The following ECHDC3 variants were observed in gnomAD, a reference collection of about 807,000 sequenced individuals.
The protein encoded by ECHDC3 is enoyl-CoA hydratase domain-containing protein 3, mitochondrial.
ECHDC3 carries 20 observed loss-of-function variants against 17.9 expected under a neutral mutation model. The observed-to-expected ratio is 1.12, with a 90% CI of 0.79 to 1.63. ECHDC3 has a LOEUF of 1.63. Ranked by LOEUF, ECHDC3 falls within the 40% of genes most tolerant of loss-of-function variation. The pLI, the probability that ECHDC3 is intolerant of heterozygous loss-of-function variation, is 0.00. For synonymous variants in ECHDC3, 177 were observed against 149.7 expected (o/e 1.18, Z -1.33); for missense variants, 407 against 357.7 (o/e 1.14, Z -1.11).
Position 11,762,758 on chromosome 10 carries a change from G to A in ECHDC3, c.592-466G>A, listed in dbSNP as rs552111662. ...ATTGTCTGTAAATCCTTGCCTCTCC[G>A]GGAGGCTGGGTCTGCTCTTTCCAGT... is the stretch of plus-strand genomic sequence containing the variant. On this transcript the variant is annotated intron_variant, in intron 4 of 4. Transcript: ENST00000379215. Among the ~76,000 whole-genome samples the A allele has an allele frequency of 3.3e-5, 5 of 152,254 alleles. No individual in the cohort carries two copies. In the South Asian group the frequency reaches 6.2e-4, roughly 19 times the overall value.
At position 11,763,202 on chromosome 10, in the gene ECHDC3, G is replaced by A; in HGVS notation, c.592-22G>A. 4.0e-6 allele frequency: 3 copies of A among 752,396 alleles called. No individual in the cohort carries two copies. The highest frequency in any genetic ancestry group is 4.9e-6 in the Non-Finnish European group (2 of 405,156). The allele number at this position is 752,396 out of a possible 1,614,324, so 46.6% of individuals were successfully genotyped here. A position where few individuals can be genotyped will look rare whatever the true frequency, so the allele number is the denominator to read the frequency against. Reference sequence around the variant, plus strand: ...GCGGGTCACAGGAGAGCACCTCAGTGACATCCCGTGTCTCCCCGTAGGTGG... The same window carrying A: ...GCGGGTCACAGGAGAGCACCTCAGTAACATCCCGTGTCTCCCCGTAGGTGG... On this transcript the variant is annotated intron_variant, in intron 4 of 4. Coordinates refer to ENST00000379215, the MANE Select transcript of ECHDC3 (RefSeq NM_024693.5). The surrounding 1 kb of genome is among the most constrained non-coding windows in gnomAD (Gnocchi z 4.9).
chr10:11,755,841 A>C, intron 4 of ECHDC3: 1 of 488,844 alleles, frequency 2.0e-6, no homozygotes, highest in Admixed American at 3.9e-5. Flanking sequence ...AATTTGTGAA[A>C]TCACTGCATT....
chr10:11,755,730 A>G (rs763534278), intron 4 of ECHDC3, 122 bp downstream of exon 4: 3 of 981,058 alleles, frequency 3.1e-6, no homozygotes, highest in Non-Finnish European at 4.5e-6. Context: ...CGTTCTGCCC[A>G]GAGTGCCTCT....
Position 11,746,281 on chromosome 10 carries a change from T to A in ECHDC3, c.171-1068T>A, listed in dbSNP as rs150683165. Among the ~76,000 whole-genome samples the A allele has an allele frequency of 7.8e-3, 1,126 of 144,690 alleles. 21 individuals carry two copies. The highest frequency in any genetic ancestry group is 0.027 in the African/African-American group (1,022 of 37,296). 94.9% of individuals were successfully genotyped at this position (144,690 alleles called of 152,430 possible). On this transcript the variant is annotated intron_variant, in intron 1 of 4. Coordinates refer to ENST00000379215, the MANE Select transcript of ECHDC3 (RefSeq NM_024693.5). ...AGGCAGAGGTTGCAGTGAGCTGAGA[T>A]CATGCCAATGCACTCCAGCCTGGGC...
chr10:11,755,261 G>A (rs796547075), intron 3 of ECHDC3, 147 bp from the exon 4 acceptor site: 2 of 670,804 alleles, frequency 3.0e-6, no homozygotes, highest in South Asian at 2.2e-5. Context: ...GGGAGGAAGA[G>A]GTTGCAGTGA....
At position 11,763,139 on chromosome 10, in the gene ECHDC3, G is replaced by A. The variant is rs748851358; in HGVS notation, c.592-85G>A. 1 of 642,616 alleles carries A rather than the reference G, an allele frequency of 1.6e-6. No individual in the cohort carries two copies. Among genetic ancestry groups the A allele is most frequent in the South Asian group, 1.8e-5 (1 of 56,292 alleles). 39.8% of individuals were successfully genotyped at this position (642,616 alleles called of 1,614,324 possible). ...GGCGGATGACGTGGTATTTGAGGAA[G>A]CAGGTCATTGAGCCGAGGCGGGACT... On this transcript the variant is annotated intron_variant, in intron 4 of 4. Transcript: ENST00000379215. The surrounding 1 kb of genome is among the most constrained non-coding windows in gnomAD (Gnocchi z 4.9).
chr10:11,754,276 G>A (rs1832861060), intron 3 of ECHDC3, among the ~76,000 whole-genome samples: 1 of 68,788 alleles, frequency 1.5e-5, no homozygotes. Flanking sequence ...AAGGTCATTT[G>A]TCTTTGAATA....
chr10:11,757,114 A>C (rs779030861), intron 4 of ECHDC3, among the ~76,000 whole-genome samples: 4 of 152,206 alleles, frequency 2.6e-5, no homozygotes, highest in Non-Finnish European at 4.4e-5. Flanking sequence ...CTATCTTATA[A>C]TGGTGCAAAT....
At chr10:11,752,200 C>T (rs907036333) in intron 3 of ECHDC3, 5 of 151,636 alleles carry the variant, frequency 3.3e-5, no homozygotes, top group Admixed American at 3.3e-4. Context: ...CAACCTCTGC[C>T]TCCCGGGTTC....
In ECHDC3 at chr10:11,755,520, A is replaced by T. The variant is rs758064038; in HGVS notation, c.503A>T (p.Asp168Val). 6.2e-7 allele frequency: 1 copy of T among 1,614,066 alleles called. No homozygotes were observed. The highest frequency in any genetic ancestry group is 2.2e-5 in the East Asian group (1 of 44,872). ...AGCTGCGACATTGCCGTGGCGAGCG[A>T]CAAGTCCTCTTTTGCCACTCCTGGG... ...VASCDIAVAS[D>V]KSSFATPGVN... Residue 168 changes from aspartate (D) to valine (V), a missense_variant, in exon 4 of 5, where the codon GAC becomes GTC. Transcript: ENST00000379215.
At chr10:11,748,911 G>A (rs1013593526) in intron 2 of ECHDC3, among the ~76,000 whole-genome samples, 4 of 152,202 alleles carry the variant, frequency 2.6e-5, no homozygotes, top group Non-Finnish European at 5.9e-5. Flanking sequence ...CAACAAAAGG[G>A]AAGTATGAGA....
At chr10:11,743,560 C>T (rs1226697805) in intron 1 of ECHDC3, among the ~76,000 whole-genome samples, 1 of 152,244 alleles carries the variant, frequency 6.6e-6, no homozygotes, top group Non-Finnish European at 1.5e-5. Context: ...GGGCTGGGTG[C>T]ACAGATCTGC....
intron 3 of ECHDC3, among the ~76,000 whole-genome samples, chr10:11,754,570 G>A (rs1453368946): frequency 6.6e-6 from 1 of 152,050 alleles, no homozygotes; most frequent in Non-Finnish European, 1.5e-5. Context: ...GGTGGTAATT[G>A]GAGAAGTAAT....
In ECHDC3 at chr10:11,763,975, C is replaced by G; in HGVS notation, c.*431C>G. ...ATTTCAAATCTCCACGAGATATTCT[C>G]CACACAGAAAATCTTCTTGATTCTA... On this transcript the variant is annotated 3_prime_UTR_variant, in exon 5 of 5. Coordinates refer to ENST00000379215, the MANE Select transcript of ECHDC3 (RefSeq NM_024693.5). The surrounding 1 kb of genome is among the most constrained non-coding windows in gnomAD (Gnocchi z 4.9). 1.0e-6 allele frequency: 1 copy of G among 985,626 alleles called. No homozygotes were observed. Among genetic ancestry groups the G allele is most frequent in the Non-Finnish European group, 1.2e-6 (1 of 828,714 alleles). The allele number at this position is 985,626 out of a possible 1,614,324, so 61.1% of individuals were successfully genotyped here.
Position 11,761,702 on chromosome 10 carries a change from C to T in ECHDC3, c.592-1522C>T, listed in dbSNP as rs369293942. On this transcript the variant is annotated intron_variant, in intron 4 of 4. Coordinates refer to ENST00000379215, the MANE Select transcript of ECHDC3 (RefSeq NM_024693.5). ...ACCCGGCCTCTCCGTGTGGCTTGGG[C>T]TTCCTCACAGCATGGAGGCCAGGTC... 1.8e-3 allele frequency among the ~76,000 whole-genome samples: 270 copies of T among 152,346 alleles called. 3 individuals carry two copies. Among genetic ancestry groups the T allele is most frequent in the African/African-American group, 6.4e-3 (268 of 41,574 alleles).
intron 4 of ECHDC3, among the ~76,000 whole-genome samples, chr10:11,759,335 C>CA (rs1832918566): frequency 7.5e-6 from 1 of 133,870 alleles, no homozygotes; most frequent in African/African-American, 2.9e-5. Flanking sequence ...GCCTGGGCAA[C>CA]AACAGCAAAA....
chr10:11,750,527 G>A (rs6602523), intron 3 of ECHDC3, among the ~76,000 whole-genome samples: 142,136 of 152,278 alleles, frequency 0.93, 67,178 homozygotes, highest in East Asian at 1. Context: ...AAAAGTTTTG[G>A]ATGATTTATA....
chr10:11,762,396 A>T lies in ECHDC3; in HGVS notation c.592-828A>T, dbSNP rs554256342. Among the ~76,000 whole-genome samples the T allele has an allele frequency of 3.3e-5, 5 of 152,318 alleles. No individual in the cohort carries two copies. The South Asian group carries it at 1.0e-3, about 32-fold the overall frequency. ...TGGGCGTATTTGAGGAACATCAGGG[A>T]TGCCACCAGGATTGTGAGAGCCTGA... On this transcript the variant is annotated intron_variant, in intron 4 of 4. Coordinates refer to ENST00000379215, the MANE Select transcript of ECHDC3 (RefSeq NM_024693.5).
At chr10:11,749,636 A>T (rs752964581) in intron 3 of ECHDC3, 44 bp downstream of exon 3, 1 of 1,585,708 alleles carries the variant, frequency 6.3e-7, no homozygotes, top group South Asian at 1.1e-5. Flanking sequence ...GCAAATGATC[A>T]TTACATTAAA....
Sources: allele counts gnomAD v4.1 joint callset (sites outside exome capture counted in the v4.1 genomes callset), GRCh38; gene constraint gnomAD v4.1.1; non-coding constraint Gnocchi (gnomAD v3.1); transcripts MANE v1.5; gene names NCBI Gene and HGNC (gene_info 2026-07-23, HGNC 2026-07-21).